NRXN3: variants seen among roughly 807,000 people sequenced by gnomAD.
The protein encoded by NRXN3 is neurexin III.
In NRXN3, 32 loss-of-function variants were observed where a neutral mutation model predicts 137.6. That is an observed-to-expected ratio of 0.23 (90% CI 0.18 to 0.31). NRXN3 has a LOEUF of 0.31. Ranked by LOEUF, NRXN3 falls within the 10% of genes least tolerant of loss-of-function variation. The pLI, the probability that NRXN3 is intolerant of heterozygous loss-of-function variation, is 1.00. For synonymous variants in NRXN3, 798 were observed against 784.5 expected, an observed-to-expected ratio of 1.02 and a Z score of -0.29; for missense variants, 1,574 against 2,062.5, an observed-to-expected ratio of 0.76 and a Z score of 4.59.
chr14:78,856,061 T>G lies in NRXN3; in HGVS notation c.2275+45717T>G, dbSNP rs148009609. On this transcript the variant is annotated intron_variant, in intron 10 of 20. Coordinates refer to ENST00000335750, the MANE Select transcript of NRXN3 (RefSeq NM_001330195.2). ...TTGAACCTTAATGTCTCTTCTTAGT[T>G]CCACCATGTTGCTATGCACAACCCT... Among the ~76,000 whole-genome samples, 681 of 152,250 alleles carry G rather than the reference T, an allele frequency of 4.5e-3. 7 individuals are homozygous for G. Among genetic ancestry groups the G allele is most frequent in the African/African-American group, 0.015 (634 of 41,538 alleles).
chr14:79,628,831 G>A (rs2098311618), intron 16 of NRXN3, among the ~76,000 whole-genome samples: 1 of 152,168 alleles, frequency 6.6e-6, no homozygotes, highest in African/African-American at 2.4e-5. Context: ...GAAAGTAGAA[G>A]CATTTCTAAT....
intron 14 of NRXN3, among the ~76,000 whole-genome samples, chr14:78,972,510 C>T (rs77113756): frequency 0.028 from 4,317 of 152,220 alleles, 194 homozygotes; most frequent in African/African-American, 0.097. Flanking sequence ...TCTATGGGCT[C>T]CATCTGATTG....
chr14:79,385,576 G>T (rs557430027), intron 15 of NRXN3, among the ~76,000 whole-genome samples: 2 of 152,226 alleles, frequency 1.3e-5, no homozygotes, highest in South Asian at 4.2e-4. Flanking sequence ...CAGTGTTGGA[G>T]GTGGGGCCTG....
intron 4 of NRXN3, among the ~76,000 whole-genome samples, chr14:78,457,528 G>A (rs1391773629): frequency 6.6e-6 from 1 of 152,156 alleles, no homozygotes; most frequent in African/African-American, 2.4e-5. Context: ...AGGTAGTACT[G>A]AGGGTTACAA....
chr14:78,852,463 G>A (rs1596497883), intron 10 of NRXN3, among the ~76,000 whole-genome samples: 1 of 152,238 alleles, frequency 6.6e-6, no homozygotes, highest in Admixed American at 6.5e-5. Flanking sequence ...TCTAAGTCAG[G>A]TGTCTGGAAG....
chr14:78,759,385 C>T (rs2098683067), intron 8 of NRXN3, among the ~76,000 whole-genome samples: 1 of 152,300 alleles, frequency 6.6e-6, no homozygotes, highest in South Asian at 2.1e-4. Flanking sequence ...AGGTAATACT[C>T]TTTAAGATAT....
chr14:79,687,463 A>G (rs943614131), intron 17 of NRXN3, among the ~76,000 whole-genome samples: 2 of 152,212 alleles, frequency 1.3e-5, no homozygotes, highest in Admixed American at 1.3e-4. Flanking sequence ...TGAGGGCAGC[A>G]GTACCACTAC....
rs559265445 is a variant in NRXN3, at chr14:78,266,550, G to A, written c.710-12095G>A. Among the ~76,000 whole-genome samples the A allele has an allele frequency of 1.2e-4, 18 of 152,202 alleles. 1 individual carries two copies. The South Asian group carries it at 1.2e-3, about 11-fold the overall frequency. The stretch of plus-strand genomic sequence containing the variant: ...CTGACCTCATGATCCGCCCACCTTG[G>A]CCTCCCAAAGTACTGGGATTACAAG... On this transcript the variant is annotated intron_variant, in intron 2 of 20. Coordinates refer to ENST00000335750, the MANE Select transcript of NRXN3 (RefSeq NM_001330195.2).
chr14:78,533,329 G>A (rs867441930), intron 4 of NRXN3, among the ~76,000 whole-genome samples: 2 of 151,570 alleles, frequency 1.3e-5, no homozygotes, highest in Non-Finnish European at 2.9e-5. Flanking sequence ...CAGGTGATCC[G>A]CCCGCCTCAG....
At chr14:79,177,366 A>T (rs759351279) in intron 15 of NRXN3, among the ~76,000 whole-genome samples, 42 of 152,200 alleles carry the variant, frequency 2.8e-4, no homozygotes, top group Non-Finnish European at 4.0e-4. Context: ...TGAAATGAAA[A>T]TGCTTTAAAA....
chr14:79,823,462 G>C (rs147749719), intron 20 of NRXN3, among the ~76,000 whole-genome samples: 1 of 152,150 alleles, frequency 6.6e-6, no homozygotes, highest in Non-Finnish European at 1.5e-5. Flanking sequence ...TATAGTTCCA[G>C]CTACTTGGGA....
At chr14:78,656,315 G>T (rs1430844787) in intron 6 of NRXN3, among the ~76,000 whole-genome samples, 1 of 152,104 alleles carries the variant, frequency 6.6e-6, no homozygotes, top group Non-Finnish European at 1.5e-5. Context: ...AATACATCCT[G>T]GGGTTCAGGG....
At chr14:79,665,985 T>A (rs143663564) in intron 17 of NRXN3, among the ~76,000 whole-genome samples, 1 of 152,192 alleles carries the variant, frequency 6.6e-6, no homozygotes, top group African/African-American at 2.4e-5. Flanking sequence ...GGCCTTGGAG[T>A]CAACTGGCTA....
At chr14:79,115,365 A>G (rs975842610) in intron 15 of NRXN3, among the ~76,000 whole-genome samples, 2 of 151,758 alleles carry the variant, frequency 1.3e-5, no homozygotes, top group African/African-American at 4.8e-5. Context: ...AACTAAACAT[A>G]TCCTTCCAGT....
At chr14:79,710,433 T>C (rs1364597972) in intron 19 of NRXN3, among the ~76,000 whole-genome samples, 1 of 152,198 alleles carries the variant, frequency 6.6e-6, no homozygotes, top group Admixed American at 6.5e-5. Flanking sequence ...AAAGAAAGGG[T>C]GACTGCTAAA....
chr14:79,650,730 A>G (rs190770770), intron 16 of NRXN3, among the ~76,000 whole-genome samples: 16 of 152,312 alleles, frequency 1.1e-4, no homozygotes, highest in African/African-American at 3.6e-4. Flanking sequence ...CAAAATTTCT[A>G]TGACTTGATT....
chr14:79,087,454 A>AGTACATATTTATAACAAC (rs2048344969), intron 15 of NRXN3, among the ~76,000 whole-genome samples: 1 of 152,174 alleles, frequency 6.6e-6, no homozygotes, highest in Non-Finnish European at 1.5e-5. Flanking sequence ...TAAAGGGGAA[A>AGTACATATTTATAACAAC]GTACATATTT....
intron 15 of NRXN3, among the ~76,000 whole-genome samples, chr14:79,198,933 G>C (rs1347821108): frequency 6.6e-6 from 1 of 152,154 alleles, no homozygotes; most frequent in Non-Finnish European, 1.5e-5. Context: ...TTGGGAGGCC[G>C]AGAAAGGCGG....
At chr14:79,086,406 G>T (rs74956079) in intron 15 of NRXN3, among the ~76,000 whole-genome samples, 467 of 152,218 alleles carry the variant, frequency 3.1e-3, no homozygotes, top group African/African-American at 0.011. Flanking sequence ...GTAATTTCTT[G>T]AGAGTAGGTT....
Sources: gnomAD v4.1 joint callset for allele counts (sites outside exome capture counted in the v4.1 genomes callset) on GRCh38, gnomAD v4.1.1 for gene constraint, MANE v1.5 for transcripts, NCBI Gene and HGNC (gene_info 2026-07-23, HGNC 2026-07-21) for gene names.